MYT1L: variants seen among roughly 807,000 people sequenced by gnomAD.
MYT1L encodes myelin transcription factor 1-like protein.
A neutral mutation model predicts 126.7 loss-of-function variants in MYT1L; 12 were observed. The observed-to-expected ratio is 0.09, with a 90% CI of 0.06 to 0.15. The LOEUF is 0.15. MYT1L is among the 10% of genes least tolerant of loss of function. MYT1L has a pLI of 1.00. For synonymous variants in MYT1L, 541 were observed against 604.2 expected (o/e 0.90, Z 1.53); for missense variants, 979 against 1,585.2 (o/e 0.62, Z 6.49).
intron 2 of MYT1L, among the ~76,000 whole-genome samples, chr2:2,219,799 C>A (rs943165453): frequency 6.6e-6 from 1 of 152,126 alleles, no homozygotes; most frequent in Non-Finnish European, 1.5e-5. Flanking sequence ...TATAAATGAC[C>A]CTGTCTCCTT....
intron 3 of MYT1L, among the ~76,000 whole-genome samples, chr2:2,129,799 G>A (rs182447435): frequency 0.029 from 4,344 of 151,908 alleles, 107 homozygotes; most frequent in Non-Finnish European, 0.044. Context: ...CCAGCTACTC[G>A]GGAGGCTGAG....
intron 4 of MYT1L, among the ~76,000 whole-genome samples, chr2:2,033,070 G>A (rs530173759): frequency 3.8e-4 from 51 of 132,774 alleles, no homozygotes; most frequent in African/African-American, 1.5e-3. Flanking sequence ...CCTCGCCAGT[G>A]CCTCTCATCC....
At position 2,220,084 on chromosome 2, in the gene MYT1L, T is replaced by A. The variant is rs570757884; in HGVS notation, c.-420-47096A>T. 2.6e-5 allele frequency among the ~76,000 whole-genome samples: 4 copies of A among 152,042 alleles called. No individual in the cohort carries two copies. In the East Asian group the frequency reaches 7.8e-4, roughly 30 times the overall value. On this transcript the variant is annotated intron_variant, in intron 2 of 24. Transcript: ENST00000647738. ...GGATGGAAAAGTGGAAAGGAAAGGG[T>A]GAAATTTCTGTCCACGAAAAGAGTC...
intron 8 of MYT1L, among the ~76,000 whole-genome samples, chr2:1,961,299 C>T (rs1009830634): frequency 6.6e-6 from 1 of 152,184 alleles, no homozygotes; most frequent in Non-Finnish European, 1.5e-5. Flanking sequence ...TTGTGCCCCT[C>T]AATCTATAAA....
intron 1 of MYT1L, among the ~76,000 whole-genome samples, chr2:2,301,807 A>T (rs1186571169): frequency 6.6e-6 from 1 of 151,274 alleles, no homozygotes; most frequent in Non-Finnish European, 1.5e-5. Context: ...AGCCTGAGCA[A>T]CAGAGACCCT....
intron 2 of MYT1L, among the ~76,000 whole-genome samples, chr2:2,199,495 G>T (rs2092966630): frequency 6.6e-6 from 1 of 152,156 alleles, no homozygotes; most frequent in Non-Finnish European, 1.5e-5. Context: ...GAGTCAATGG[G>T]AGAGGGAGGA....
At chr2:1,859,733 G>C (rs1323141399) in intron 18 of MYT1L, among the ~76,000 whole-genome samples, 2 of 152,252 alleles carry the variant, frequency 1.3e-5, no homozygotes, top group Non-Finnish European at 2.9e-5. Flanking sequence ...TATTAGCACT[G>C]GGTCAGCCTC....
intron 2 of MYT1L, among the ~76,000 whole-genome samples, chr2:2,235,477 T>C (rs2094271403): frequency 6.6e-6 from 1 of 152,192 alleles, no homozygotes; most frequent in Non-Finnish European, 1.5e-5. Context: ...CAGCATCCCT[T>C]AGTGGGGTCC....
intron 4 of MYT1L, among the ~76,000 whole-genome samples, chr2:2,042,644 A>G (rs551460514): frequency 6.6e-6 from 1 of 152,254 alleles, no homozygotes; most frequent in East Asian, 1.9e-4. Flanking sequence ...AAAGGGCCTC[A>G]GAACCACACA....
intron 9 of MYT1L, among the ~76,000 whole-genome samples, chr2:1,940,349 T>G (rs1381788441): frequency 6.8e-6 from 1 of 148,044 alleles, no homozygotes; most frequent in African/African-American, 2.5e-5. Flanking sequence ...TGGTAGCAGG[T>G]AGGTTATCTC....
rs190311930 is a variant in MYT1L, at chr2:1,934,196, G to C, written c.505+8786C>G. On this transcript the variant is annotated intron_variant, in intron 9 of 24. Transcript: ENST00000647738. Reference sequence around the variant, plus strand: ...TCATCGTGTTAGCCAGGATGGTCTCGATCTCCTGACCTCGTGATCCTCCCG... The same window carrying C: ...TCATCGTGTTAGCCAGGATGGTCTCCATCTCCTGACCTCGTGATCCTCCCG... Among the ~76,000 whole-genome samples the C allele has an allele frequency of 2.4e-3, 365 of 150,862 alleles. 9 individuals are homozygous for C. The highest frequency in any genetic ancestry group is 0.012 in the East Asian group (61 of 5,064).
intron 21 of MYT1L, among the ~76,000 whole-genome samples, chr2:1,813,540 G>A (rs1293006279): frequency 6.6e-6 from 1 of 152,182 alleles, no homozygotes; most frequent in Non-Finnish European, 1.5e-5. Flanking sequence ...GTGGGCAGTG[G>A]GCGGGCGAGC....
intron 3 of MYT1L, among the ~76,000 whole-genome samples, chr2:2,118,177 C>T (rs923214144): frequency 6.0e-5 from 9 of 150,662 alleles, no homozygotes; most frequent in African/African-American, 2.2e-4. Flanking sequence ...CAAACAAAGG[C>T]CAAGTGGAGA....
At chr2:1,849,911 C>T (rs949877189) in intron 19 of MYT1L, among the ~76,000 whole-genome samples, 33 of 152,062 alleles carry the variant, frequency 2.2e-4, no homozygotes, top group Admixed American at 6.5e-4. Flanking sequence ...TAATCCAAAA[C>T]GCCAGCCAGT....
chr2:1,817,656 T>TG lies in MYT1L; in HGVS notation c.3081-8490dup, dbSNP rs529960529. 2.2e-4 allele frequency among the ~76,000 whole-genome samples: 34 copies of TG among 152,098 alleles called. No individual in the cohort carries two copies. In the South Asian group the frequency reaches 6.7e-3, roughly 30 times the overall value. ...CCTGGGAGCAGGCCCAGCGCGGCCC[T>TG]GGGGGGTGGTGGCGGCCCTGGTGCG... On this transcript the variant is annotated intron_variant, in intron 21 of 24. Transcript: ENST00000647738.
intron 2 of MYT1L, among the ~76,000 whole-genome samples, chr2:2,237,806 A>G (rs2094354467): frequency 6.6e-6 from 1 of 152,214 alleles, no homozygotes; most frequent in East Asian, 1.9e-4. Flanking sequence ...CAGAGATGGC[A>G]TCTGCACCTG....
intron 2 of MYT1L, among the ~76,000 whole-genome samples, chr2:2,220,663 T>C (rs1283122443): frequency 3.3e-5 from 5 of 152,178 alleles, no homozygotes; most frequent in Non-Finnish European, 5.9e-5. Context: ...TTTCAAGGTA[T>C]GGCAAAGAAG....
intron 1 of MYT1L, among the ~76,000 whole-genome samples, chr2:2,320,942 C>A (rs2096153181): frequency 6.6e-6 from 1 of 152,216 alleles, no homozygotes; most frequent in South Asian, 2.1e-4. Flanking sequence ...CAACAAACAG[C>A]TGGATGGATG....
At chr2:2,093,130 G>C (rs2077062558) in intron 3 of MYT1L, among the ~76,000 whole-genome samples, 1 of 152,126 alleles carries the variant, frequency 6.6e-6, no homozygotes, top group African/African-American at 2.4e-5. Flanking sequence ...TTCTTAAAGA[G>C]CGTTTTCATT....
Sources: allele counts gnomAD v4.1 joint callset (sites outside exome capture counted in the v4.1 genomes callset), GRCh38; gene constraint gnomAD v4.1.1; transcripts MANE v1.5; gene names NCBI Gene and HGNC (gene_info 2026-07-23, HGNC 2026-07-21).